SLF2: variants seen among roughly 807,000 people sequenced by gnomAD.
The protein encoded by SLF2 is SMC5/6 complex localization factor 2.
SLF2 carries 68 observed loss-of-function variants against 124.3 expected under a neutral mutation model. The ratio of observed to expected loss-of-function variants is 0.55; its 90% CI spans 0.45 to 0.67. The LOEUF is 0.67. Among genes scored for constraint, SLF2 ranks in the 30% least tolerant of loss-of-function variants. The probability of loss-of-function intolerance (pLI) is 0.00; values close to 1 mark genes in which losing one functional copy is unlikely to be tolerated. For synonymous variants in SLF2, 480 were observed against 478.8 expected (o/e 1.00, Z -0.03); for missense variants, 1,246 against 1,373.7 (o/e 0.91, Z 1.47).
chr10:100,944,388 A>ACG (rs1850054973), intron 12 of SLF2, among the ~76,000 whole-genome samples: 2 of 148,696 alleles, frequency 1.3e-5, no homozygotes, highest in Non-Finnish European at 3.0e-5. Flanking sequence ...CCAGCTATTC[A>ACG]GGAGGCTGAG....
At chr10:100,918,532 C>T in intron 4 of SLF2, 91 bp downstream of exon 4, 12 of 793,372 alleles carry the variant, frequency 1.5e-5, no homozygotes, top group Non-Finnish European at 2.2e-5. Flanking sequence ...ATATGCAGTT[C>T]CCTTCTTGGG....
chr10:100,953,648 T>C (rs1008916380), intron 17 of SLF2, among the ~76,000 whole-genome samples: 3 of 151,436 alleles, frequency 2.0e-5, no homozygotes, highest in Admixed American at 6.6e-5. Flanking sequence ...TTTTCCTCTT[T>C]AAAAAAAAAT....
At chr10:100,950,595 G>A (rs939792255) in intron 16 of SLF2, 81 bp from the exon 17 acceptor site, 6 of 1,216,228 alleles carry the variant, frequency 4.9e-6, no homozygotes, top group Non-Finnish European at 6.0e-6. Context: ...TCCTTCCTGG[G>A]CAATTTTCCT....
At chr10:100,940,538 T>A (rs1337463713) in intron 11 of SLF2, among the ~76,000 whole-genome samples, 1 of 152,106 alleles carries the variant, frequency 6.6e-6, no homozygotes, top group Non-Finnish European at 1.5e-5. Flanking sequence ...ATTTTTTTAT[T>A]TTTTGTGGAG....
chr10:100,919,530 CAA>C (rs755242396), intron 4 of SLF2, among the ~76,000 whole-genome samples: 2 of 151,938 alleles, frequency 1.3e-5, no homozygotes, highest in Non-Finnish European at 2.9e-5. Flanking sequence ...TATAAAATAA[CAA>C]ATCTGTTAAT....
intron 8 of SLF2, among the ~76,000 whole-genome samples, chr10:100,930,627 C>G (rs986155452): frequency 7.9e-5 from 12 of 152,322 alleles, no homozygotes; most frequent in African/African-American, 2.9e-4. Context: ...TCTAATTTCT[C>G]TCAGTGCATG....
chr10:100,946,047 A>G (rs755280969), intron 13 of SLF2, among the ~76,000 whole-genome samples: 45 of 152,220 alleles, frequency 3.0e-4, no homozygotes, highest in Non-Finnish European at 5.4e-4. Context: ...AACTTCTGCA[A>G]CCATATGGAG....
chr10:100,935,394 C>CA (rs781232248), intron 9 of SLF2, among the ~76,000 whole-genome samples: 190 of 135,340 alleles, frequency 1.4e-3, no homozygotes, highest in South Asian at 2.6e-3. Context: ...GATTCTGTCC[C>CA]AAAAAAAAAA....
At chr10:100,946,451 C>T (rs768304359) in intron 13 of SLF2, among the ~76,000 whole-genome samples, 6 of 151,698 alleles carry the variant, frequency 4.0e-5, no homozygotes, top group African/African-American at 7.3e-5. Context: ...CTCAACCTCC[C>T]GAGTAGATGA....
intron 17 of SLF2, among the ~76,000 whole-genome samples, chr10:100,953,812 T>G (rs920455121): frequency 1.3e-5 from 2 of 151,946 alleles, no homozygotes; most frequent in African/African-American, 4.8e-5. Context: ...GCCATGATGC[T>G]GGCCAATTTT....
chr10:100,937,297 T>C, intron 9 of SLF2, 105 bp from the exon 10 acceptor site: 1 of 833,470 alleles, frequency 1.2e-6, no homozygotes, highest in Non-Finnish European at 2.1e-6. Flanking sequence ...AGGCATGAAC[T>C]GCTGCGCCTG....
At chr10:100,959,319 T>G in intron 18 of SLF2, 109 bp from the exon 19 acceptor site, 1 of 883,778 alleles carries the variant, frequency 1.1e-6, no homozygotes, top group South Asian at 2.9e-5. Flanking sequence ...CAAATTGAGT[T>G]GTTGAGTGTG....
At chr10:100,942,028 G>C (rs1849991244) in intron 11 of SLF2, among the ~76,000 whole-genome samples, 1 of 152,180 alleles carries the variant, frequency 6.6e-6, no homozygotes, top group East Asian at 1.9e-4. Flanking sequence ...GAGGGGGAGT[G>C]ATAAAGGGTA....
At chr10:100,938,391 TTTTC>T (rs1849906091) in intron 10 of SLF2, among the ~76,000 whole-genome samples, 200 bp from the exon 11 acceptor site, 1 of 152,232 alleles carries the variant, frequency 6.6e-6, no homozygotes, top group South Asian at 2.1e-4. Flanking sequence ...CTCTCAGATA[TTTTC>T]TTTATGTCAT....
chr10:100,912,986 GAA>G lies in SLF2; in HGVS notation c.-124_-123del. The G allele has an allele frequency of 9.7e-7, 1 of 1,034,840 alleles. No homozygotes were observed. The highest frequency in any genetic ancestry group is 1.4e-6 in the Non-Finnish European group (1 of 716,988). The allele number at this position is 1,034,840 out of a possible 1,614,324, so 64.1% of individuals were successfully genotyped here. ...TCACTTCCGAAGAGAGAACCGCCAT[GAA>G]GAGAGAAGGGGGTGCCGCCCACCTC... On this transcript the variant is annotated 5_prime_UTR_variant, in exon 1 of 20. Coordinates refer to ENST00000238961, the MANE Select transcript of SLF2 (RefSeq NM_018121.4).
chr10:100,965,055 A>C lies in SLF2; in HGVS notation c.*3143A>C, dbSNP rs61871505. Reference sequence around the variant, plus strand: ...TTTCTTTCCTTTTTTTTTTTTTTAAAGATTTTATACTACATCTTGTTAAAG... The same window carrying C: ...TTTCTTTCCTTTTTTTTTTTTTTAACGATTTTATACTACATCTTGTTAAAG... On this transcript the variant is annotated 3_prime_UTR_variant, in exon 20 of 20. Coordinates refer to ENST00000238961, the MANE Select transcript of SLF2 (RefSeq NM_018121.4). The surrounding 1 kb of genome is among the most constrained non-coding windows in gnomAD (Gnocchi z 4.1). 6.6e-6 allele frequency: 1 copy of C among 151,030 alleles called. No individual in the cohort carries two copies. The highest frequency in any genetic ancestry group is 1.9e-4 in the East Asian group (1 of 5,182). 9.4% of individuals were successfully genotyped at this position (151,030 alleles called of 1,614,324 possible). A position where few individuals can be genotyped will look rare whatever the true frequency, so the allele number is the denominator to read the frequency against.
At position 100,947,029 on chromosome 10, in the gene SLF2, T is replaced by A. The variant is rs1850117729; in HGVS notation, c.2935-10T>A. 1 of 1,610,024 alleles carries A rather than the reference T, an allele frequency of 6.2e-7. No homozygotes were observed. The highest frequency in any genetic ancestry group is 8.5e-7 in the Non-Finnish European group (1 of 1,176,606). ...TTTGAAAAGAAATCTTACATGTTCT[T>A]TTTTTTCAGGTGCCTGAACTCTGTC... On this transcript the variant is annotated splice_polypyrimidine_tract_variant and intron_variant, in intron 13 of 19. Transcript: ENST00000238961.
intron 4 of SLF2, among the ~76,000 whole-genome samples, chr10:100,921,543 AG>A (rs1485159670): frequency 6.6e-6 from 1 of 152,222 alleles, no homozygotes; most frequent in African/African-American, 2.4e-5. Flanking sequence ...CCTGACCTGA[AG>A]AGCTTGCTAA....
intron 19 of SLF2, among the ~76,000 whole-genome samples, chr10:100,960,799 G>A (rs1850412325): frequency 6.6e-6 from 1 of 151,260 alleles, no homozygotes; most frequent in African/African-American, 2.4e-5. Flanking sequence ...TATATCTAAG[G>A]AGTCTTTGCC....
Sources: allele counts gnomAD v4.1 joint callset (sites outside exome capture counted in the v4.1 genomes callset), GRCh38; gene constraint gnomAD v4.1.1; non-coding constraint Gnocchi (gnomAD v3.1); transcripts MANE v1.5; gene names NCBI Gene and HGNC (gene_info 2026-07-23, HGNC 2026-07-21).